B4GALNT3: variants seen among roughly 807,000 people sequenced by gnomAD.
B4GALNT3 encodes the protein beta-1,4-N-acetyl-galactosaminyltransferase 3, also known as beta-1,4-N-acetylgalactosaminyltransferase 3.
B4GALNT3 carries 86 observed loss-of-function variants against 120.2 expected under a neutral mutation model. The observed-to-expected ratio is 0.72, with a 90% CI of 0.60 to 0.86. The LOEUF is 0.86. Among genes scored for constraint, B4GALNT3 ranks in the 40% least tolerant of loss-of-function variants. The probability of loss-of-function intolerance (pLI) is 0.00; values close to 1 mark genes in which losing one functional copy is unlikely to be tolerated. For missense variants in B4GALNT3, 1,167 were observed against 1,298.9 expected (o/e 0.90, Z 1.56); for synonymous variants, 518 against 510.4 (o/e 1.01, Z -0.20).
chr12:460,551 T>C lies in B4GALNT3; in HGVS notation c.169+6T>C. The C allele has an allele frequency of 6.8e-7, 1 of 1,469,576 alleles. No homozygotes were observed. The highest frequency in any genetic ancestry group is 9.1e-7 in the Non-Finnish European group (1 of 1,101,298). 91.0% of individuals were successfully genotyped at this position (1,469,576 alleles called of 1,614,324 possible). A position where few individuals can be genotyped will look rare whatever the true frequency, so the allele number is the denominator to read the frequency against. The stretch of plus-strand genomic sequence containing the variant: ...CGGGAACCCCCTGAACCGGAGTAAG[T>C]AGCACCCAGGGGAGGCGAAGGGCGC... On this transcript the variant is annotated splice_donor_region_variant and intron_variant, in intron 1 of 19. Coordinates refer to ENST00000266383, the MANE Select transcript of B4GALNT3 (RefSeq NM_173593.4). This position sits in a 1 kb window ranked among gnomAD's most constrained non-coding sequence, Gnocchi z 8.0.
chr12:536,792 A>G (rs1306742831), intron 3 of B4GALNT3, among the ~76,000 whole-genome samples: 3 of 152,328 alleles, frequency 2.0e-5, no homozygotes, highest in South Asian at 4.1e-4. Flanking sequence ...GACCCTGTGG[A>G]ATAGTATCAT....
intron 1 of B4GALNT3, among the ~76,000 whole-genome samples, chr12:530,580 T>C (rs1946796810): frequency 6.6e-6 from 1 of 152,232 alleles, no homozygotes. Context: ...TATTATGTTC[T>C]GGGTAATAAA....
At position 460,245 on chromosome 12, in the gene B4GALNT3, G is replaced by A; in HGVS notation, c.-132G>A. 1.5e-6 allele frequency: 1 copy of A among 687,286 alleles called. No individual in the cohort carries two copies. The highest frequency in any genetic ancestry group is 2.0e-5 in the African/African-American group (1 of 51,072). The allele number at this position is 687,286 out of a possible 1,614,324, so 42.6% of individuals were successfully genotyped here. A position where few individuals can be genotyped will look rare whatever the true frequency, so the allele number is the denominator to read the frequency against. ...CCGAGCCCCGCCGGAGAGCGGCCGGGAGAGACGGCCTCGGCGCAGCCCTGA... is the reference window on the plus strand; with the variant it reads ...CCGAGCCCCGCCGGAGAGCGGCCGGAAGAGACGGCCTCGGCGCAGCCCTGA... On this transcript the variant is annotated 5_prime_UTR_variant, in exon 1 of 20. Coordinates refer to ENST00000266383, the MANE Select transcript of B4GALNT3 (RefSeq NM_173593.4). The surrounding 1 kb of genome is among the most constrained non-coding windows in gnomAD (Gnocchi z 8.0).
chr12:537,163 G>T (rs1042557374), intron 3 of B4GALNT3, among the ~76,000 whole-genome samples: 1 of 152,156 alleles, frequency 6.6e-6, no homozygotes, highest in African/African-American at 2.4e-5. Flanking sequence ...ATGCTGTAAC[G>T]AACATGCACT....
rs539349635 is a variant in B4GALNT3 at position 559,781 on chromosome 12, C to T, written c.2888+360C>T. ...CCCAGCCCGAGGGTAGTGCGCCTCC[C>T]GTCAGCTGCCGAGCGGGGAGCCCAG... is the stretch of plus-strand genomic sequence containing the variant. On this transcript the variant is annotated intron_variant, in intron 19 of 19. Transcript: ENST00000266383. Among the ~76,000 whole-genome samples, 153 of 152,226 alleles carry T rather than the reference C, an allele frequency of 1.0e-3. No individual in the cohort carries two copies. The Middle Eastern group carries it at 0.014, about 14-fold the overall frequency.
Position 460,610 on chromosome 12 carries a change from G to A in B4GALNT3, c.169+65G>A. 7.8e-7 allele frequency: 1 copy of A among 1,281,496 alleles called. No homozygotes were observed. Among genetic ancestry groups the A allele is most frequent in the Non-Finnish European group, 1.0e-6 (1 of 999,990 alleles). The allele number at this position is 1,281,496 out of a possible 1,614,324, so 79.4% of individuals were successfully genotyped here. On this transcript the variant is annotated intron_variant, in intron 1 of 19. Coordinates refer to ENST00000266383, the MANE Select transcript of B4GALNT3 (RefSeq NM_173593.4). This position sits in a 1 kb window ranked among gnomAD's most constrained non-coding sequence, Gnocchi z 8.0. ...GCGGCGGCGGCGGCTCCTGCGTTGG[G>A]GGGACCCGCCTCTCATCCCATCCTC...
At chr12:560,185 G>A (rs551668793) in intron 19 of B4GALNT3, among the ~76,000 whole-genome samples, 23 of 152,312 alleles carry the variant, frequency 1.5e-4, no homozygotes, top group African/African-American at 5.3e-4. Context: ...GCAAAGGAGA[G>A]GGGAGGGTAC....
At chr12:487,608 G>T (rs1946301903) in intron 1 of B4GALNT3, among the ~76,000 whole-genome samples, 1 of 152,060 alleles carries the variant, frequency 6.6e-6, no homozygotes, top group South Asian at 2.1e-4. Flanking sequence ...AGCTACTTGG[G>T]AGGCTGAGGC....
chr12:511,628 C>G (rs1323128434), intron 1 of B4GALNT3, among the ~76,000 whole-genome samples: 1 of 104,984 alleles, frequency 9.5e-6, no homozygotes, highest in Non-Finnish European at 2.2e-5. Flanking sequence ...CCACCTTCGA[C>G]CTTCCACCTT....
At chr12:515,655 C>A (rs887209970) in intron 1 of B4GALNT3, among the ~76,000 whole-genome samples, 1 of 152,116 alleles carries the variant, frequency 6.6e-6, no homozygotes, top group East Asian at 1.9e-4. Context: ...ATCCTCATAA[C>A]CCCGTTTGGG....
chr12:546,842 A>G (rs1947013848), intron 7 of B4GALNT3, 129 bp downstream of exon 7: 1 of 865,852 alleles, frequency 1.2e-6, no homozygotes, highest in Non-Finnish European at 1.8e-6. Flanking sequence ...CGCTCCCGGC[A>G]ACCGGGTCTT....
intron 1 of B4GALNT3, among the ~76,000 whole-genome samples, chr12:497,158 T>A (rs12370160): frequency 0.29 from 43,258 of 151,628 alleles, 8,295 homozygotes; most frequent in African/African-American, 0.55. Context: ...ATTATTTTTT[T>A]AATTATTTTT....
At chr12:469,345 T>A (rs1331168248) in intron 1 of B4GALNT3, among the ~76,000 whole-genome samples, 1 of 152,156 alleles carries the variant, frequency 6.6e-6, no homozygotes, top group African/African-American at 2.4e-5. Context: ...CATATTAGGA[T>A]CTCAATGAAT....
In B4GALNT3 at chr12:492,419, C is replaced by T. The variant is rs995221838; in HGVS notation, c.169+31874C>T. Among the ~76,000 whole-genome samples the T allele has an allele frequency of 5.7e-4, 86 of 152,124 alleles. 3 individuals carry two copies. The highest frequency in any genetic ancestry group is 2.9e-5 in the Non-Finnish European group (2 of 68,016). ...AGGTATAAGTCTAACAAAATATTTG[C>T]AAGATCTAGATGAGGAAAACTACAA... On this transcript the variant is annotated intron_variant, in intron 1 of 19. Coordinates refer to ENST00000266383, the MANE Select transcript of B4GALNT3 (RefSeq NM_173593.4).
intron 1 of B4GALNT3, among the ~76,000 whole-genome samples, chr12:509,366 A>G (rs1388422486): frequency 6.6e-6 from 1 of 152,242 alleles, no homozygotes; most frequent in Non-Finnish European, 1.5e-5. Flanking sequence ...TGGAGAGGAC[A>G]GGAGGAAAGG....
intron 1 of B4GALNT3, among the ~76,000 whole-genome samples, chr12:481,726 G>T (rs1946245064): frequency 6.6e-6 from 1 of 152,158 alleles, no homozygotes; most frequent in Admixed American, 6.5e-5. Context: ...TGGCTGGGGG[G>T]AGTCTCAGCC....
At chr12:493,898 A>G (rs1173296366) in intron 1 of B4GALNT3, among the ~76,000 whole-genome samples, 3 of 152,226 alleles carry the variant, frequency 2.0e-5, no homozygotes, top group Non-Finnish European at 4.4e-5. Flanking sequence ...AAGGCAGTCC[A>G]CACTTCTCCA....
intron 1 of B4GALNT3, among the ~76,000 whole-genome samples, chr12:523,337 G>A (rs748123): frequency 0.15 from 22,077 of 152,114 alleles, 2,523 homozygotes; most frequent in East Asian, 0.41. Flanking sequence ...TTTCTATAGT[G>A]AGAATATAAA....
chr12:520,447 A>G (rs1249105365), intron 1 of B4GALNT3, among the ~76,000 whole-genome samples: 1 of 152,000 alleles, frequency 6.6e-6, no homozygotes, highest in Admixed American at 6.5e-5. Flanking sequence ...TTCAGAAAAT[A>G]TGGTTATTAA....
Sources: allele counts gnomAD v4.1 joint callset (sites outside exome capture counted in the v4.1 genomes callset), GRCh38; gene constraint gnomAD v4.1.1; non-coding constraint Gnocchi (gnomAD v3.1); transcripts MANE v1.5; gene names NCBI Gene and HGNC (gene_info 2026-07-23, HGNC 2026-07-21).